The following DDAH1 variants were observed in gnomAD, a reference collection of about 807,000 sequenced individuals.
DDAH1 encodes the protein dimethylarginine dimethylaminohydrolase 1, also known as N(G),N(G)-dimethylarginine dimethylaminohydrolase 1.
In DDAH1, 19 loss-of-function variants were observed where a neutral mutation model predicts 28.8. The observed-to-expected ratio is 0.66, with a 90% CI of 0.46 to 0.97. The LOEUF (loss-of-function observed/expected upper bound fraction) is 0.97. DDAH1 is among the 50% of genes least tolerant of loss of function. The pLI, the probability that DDAH1 is intolerant of heterozygous loss-of-function variation, is 0.00. For synonymous variants in DDAH1, 153 were observed against 154.4 expected (o/e 0.99, Z 0.07); for missense variants, 326 against 375.9 (o/e 0.87, Z 1.10).
At chr1:85,351,246 G>C (rs1052467958) in intron 3 of DDAH1, among the ~76,000 whole-genome samples, 1 of 151,908 alleles carries the variant, frequency 6.6e-6, no homozygotes, top group Non-Finnish European at 1.5e-5. Flanking sequence ...TCTGCCAGGT[G>C]GTTGTATAAT....
intron 1 of DDAH1, among the ~76,000 whole-genome samples, chr1:85,397,914 C>T (rs1320103698): frequency 5.3e-5 from 8 of 152,138 alleles, no homozygotes; most frequent in Non-Finnish European, 1.2e-4. Flanking sequence ...GCTTTCTGAG[C>T]CCCTCACCGG....
At position 85,568,331 on chromosome 1, in the gene DDAH1, G is replaced by A. The variant is rs1419009976; in HGVS notation, c.-123+9653C>T. 2.8e-4 allele frequency among the ~76,000 whole-genome samples: 42 copies of A among 152,084 alleles called. 2 individuals are homozygous for A. Among genetic ancestry groups the A allele is most frequent in the Admixed American group, 2.6e-3 (40 of 15,268 alleles). On this transcript the variant is annotated intron_variant, in intron 1 of 6. Coordinates refer to the DDAH1 transcript ENST00000426972. ...TAAAGACAGATGGCATATCATGAAC[G>A]ACAGTGGAATCAAATAAAACAATAT...
chr1:85,369,650 C>T (rs1650273341), intron 1 of DDAH1, among the ~76,000 whole-genome samples: 1 of 152,152 alleles, frequency 6.6e-6, no homozygotes, highest in Non-Finnish European at 1.5e-5. Context: ...ATATACCTGG[C>T]ACTATTCTAG....
intron 4 of DDAH1, among the ~76,000 whole-genome samples, chr1:85,340,190 C>T (rs1247025680): frequency 2.0e-5 from 3 of 152,126 alleles, no homozygotes; most frequent in Admixed American, 6.5e-5. Flanking sequence ...AAGCCAACCC[C>T]GTTAGTGTCT....
At chr1:85,454,034 T>A (rs919494792) in intron 1 of DDAH1, among the ~76,000 whole-genome samples, 10 of 152,066 alleles carry the variant, frequency 6.6e-5, no homozygotes, top group Non-Finnish European at 1.3e-4. Flanking sequence ...TCTGTGTAGG[T>A]CTCAGCCCCC....
At chr1:85,466,468 C>T (rs924788526), upstream of DDAH1, among the ~76,000 whole-genome samples, 1 of 152,156 alleles carries the variant, frequency 6.6e-6, no homozygotes, top group Non-Finnish European at 1.5e-5. Flanking sequence ...AGGCTGGTCT[C>T]GAACTCCTGA....
chr1:85,466,930 G>A (rs1046956626), upstream of DDAH1, among the ~76,000 whole-genome samples: 10 of 127,916 alleles, frequency 7.8e-5, no homozygotes, highest in East Asian at 2.6e-4. Context: ...CTCTGCAACC[G>A]GGGTTCAAGT....
intron 2 of DDAH1, among the ~76,000 whole-genome samples, chr1:85,484,505 A>AT: frequency 6.6e-6 from 1 of 152,212 alleles, no homozygotes; most frequent in East Asian, 1.9e-4. Flanking sequence ...CAAAGGTTAA[A>AT]TTCTTTACTT....
intron 1 of DDAH1, among the ~76,000 whole-genome samples, chr1:85,565,375 T>C (rs1400855789): frequency 1.3e-5 from 2 of 151,922 alleles, no homozygotes; most frequent in African/African-American, 4.8e-5. Flanking sequence ...TACAAATGAG[T>C]GCATAAAACA....
intron 1 of DDAH1, among the ~76,000 whole-genome samples, chr1:85,552,389 T>C (rs1039699312): frequency 5.9e-5 from 9 of 152,358 alleles, no homozygotes; most frequent in African/African-American, 2.2e-4. Context: ...TTAGTACTCT[T>C]AGCTTTTCCT....
At chr1:85,504,043 C>A (rs1557700123) in intron 1 of DDAH1, among the ~76,000 whole-genome samples, 1 of 152,178 alleles carries the variant, frequency 6.6e-6, no homozygotes, top group South Asian at 2.1e-4. Flanking sequence ...TTCAAACAGA[C>A]TGGCATGCTG....
chr1:85,324,660 C>T, intron 5 of DDAH1, 80 bp downstream of exon 5: 2 of 1,476,810 alleles, frequency 1.4e-6, no homozygotes, highest in Non-Finnish European at 1.9e-6. Context: ...GAAAAGGAGG[C>T]TCCTATTGGT....
intron 2 of DDAH1, among the ~76,000 whole-genome samples, chr1:85,492,315 C>T (rs1252910482): frequency 6.6e-6 from 1 of 152,062 alleles, no homozygotes; most frequent in Non-Finnish European, 1.5e-5. Context: ...CAAAAATGGA[C>T]TCAAATATTA....
intron 1 of DDAH1, among the ~76,000 whole-genome samples, chr1:85,553,577 T>C (rs1275725415): frequency 6.6e-6 from 1 of 152,142 alleles, no homozygotes; most frequent in African/African-American, 2.4e-5. Flanking sequence ...GACCTAACCA[T>C]AGACAGCAGG....
chr1:85,375,362 A>G (rs748836032), intron 1 of DDAH1, among the ~76,000 whole-genome samples: 1 of 152,142 alleles, frequency 6.6e-6, no homozygotes, highest in African/African-American at 2.4e-5. Flanking sequence ...GACACCTGAT[A>G]TTCCATAAGA....
chr1:85,512,626 T>C (rs1413916650), intron 1 of DDAH1, among the ~76,000 whole-genome samples: 1 of 152,232 alleles, frequency 6.6e-6, no homozygotes, highest in Non-Finnish European at 1.5e-5. Flanking sequence ...CAAATCTCCT[T>C]AAGCTGATAA....
intron 5 of DDAH1, among the ~76,000 whole-genome samples, chr1:85,323,324 C>A (rs575908985): frequency 3.3e-5 from 5 of 152,104 alleles, no homozygotes; most frequent in Admixed American, 3.3e-4. Context: ...AGATGAGATG[C>A]TGAGTGCCTA....
At chr1:85,448,237 AT>A (rs1228387374) in intron 1 of DDAH1, 1 of 160,464 alleles carries the variant, frequency 6.2e-6, no homozygotes, top group Non-Finnish European at 1.3e-5. Context: ...AAGCCGAAAG[AT>A]CGGACACCCC....
intron 1 of DDAH1, among the ~76,000 whole-genome samples, chr1:85,497,352 A>G (rs1054390076): frequency 1.3e-5 from 2 of 152,226 alleles, no homozygotes; most frequent in East Asian, 3.8e-4. Flanking sequence ...GGTATTTCCA[A>G]AGGCGAGGGA....
Sources: allele counts gnomAD v4.1 joint callset (sites outside exome capture counted in the v4.1 genomes callset), GRCh38; gene constraint gnomAD v4.1.1; transcripts MANE v1.5; gene names NCBI Gene and HGNC (gene_info 2026-07-23, HGNC 2026-07-21).